H4C7: variants seen among roughly 807,000 people sequenced by gnomAD.
The protein encoded by H4C7 is histone H4-like protein type G.
A neutral mutation model predicts 5.2 loss-of-function variants in H4C7; 7 were observed. The observed-to-expected ratio is 1.34, with a 90% CI of 0.76 to 2.52. The LOEUF (loss-of-function observed/expected upper bound fraction) is 2.52. H4C7 is among the 30% of genes most tolerant of loss of function. H4C7 has a pLI of 0.00. For missense variants in H4C7, 148 were observed against 138.4 expected, an observed-to-expected ratio of 1.07 and a Z score of -0.35; for synonymous variants, 69 against 57.5, an observed-to-expected ratio of 1.20 and a Z score of -0.90.
Position 26,246,615 on chromosome 6 carries a change from C to G in H4C7, c.*66G>C. The G allele has an allele frequency of 9.0e-6, 13 of 1,437,046 alleles. No individual in the cohort carries two copies. Among genetic ancestry groups the G allele is most frequent in the Non-Finnish European group, 1.2e-5 (13 of 1,064,082 alleles). The allele number at this position is 1,437,046 out of a possible 1,614,324, so 89.0% of individuals were successfully genotyped here. ...TGAGCCCTTCGGAAGAAAACGTACGCGGCCCTGAAAAGGGCCATTAACGAT... is the reference window on the plus strand; with the variant it reads ...TGAGCCCTTCGGAAGAAAACGTACGGGGCCCTGAAAAGGGCCATTAACGAT... On this transcript the variant is annotated 3_prime_UTR_variant, in exon 1 of 1. Transcript: ENST00000611444.
At position 26,246,891 on chromosome 6, in the gene H4C7, G is replaced by T. The variant is rs1437333180; in HGVS notation, c.87C>A (p.Gly29=). The T allele has an allele frequency of 6.2e-7, 1 of 1,614,072 alleles. No individual in the cohort carries two copies. Among genetic ancestry groups the T allele is most frequent in the African/African-American group, 1.3e-5 (1 of 74,938 alleles). ...AGCGCCGGATAGTGCACTTGGTAAT[G>T]CCCTGAATATTATCGCTCAGTACCT... is the stretch of plus-strand genomic sequence containing the variant. ...HRKVLSDNIQ[G]ITKCTIRRLA... is the part of the protein sequence containing the mutation. The change falls in exon 1 of 1, where the codon GGC becomes GGA. Residue 29 remains glycine (G), a synonymous_variant. Coordinates refer to ENST00000611444, the MANE Select transcript of H4C7 (RefSeq NM_003547.3).
rs1176176116 is a variant in H4C7, at chr6:26,246,839, T to C, written c.139A>G (p.Ile47Val). Residue 47 changes from isoleucine (I) to valine (V), a missense_variant, in exon 1 of 1, where the codon ATC becomes GTC. By Grantham distance (29) the Ile-to-Val change is conservative. Transcript: ENST00000611444. Reference sequence around the variant, plus strand: ...GTCTCCTCATAAATGAGGCCCAAGATGCGCTTGACACCGCCATGCCGGGCC... The same window carrying C: ...GTCTCCTCATAAATGAGGCCCAAGACGCGCTTGACACCGCCATGCCGGGCC... Reference protein sequence around the residue: ...RLARHGGVKRILGLIYEETRR... With the variant: ...RLARHGGVKRVLGLIYEETRR... 1 of 1,614,214 alleles carries C rather than the reference T, an allele frequency of 6.2e-7. No homozygotes were observed. The highest frequency in any genetic ancestry group is 8.5e-7 in the Non-Finnish European group (1 of 1,180,034).
In H4C7 at chr6:26,246,905, C is replaced by G. The variant is rs757449544; in HGVS notation, c.73G>C (p.Asp25His). 9.9e-6 allele frequency: 16 copies of G among 1,612,730 alleles called. No individual in the cohort carries two copies. The South Asian group carries it at 1.8e-4, about 18-fold the overall frequency. ...CACTTGGTAATGCCCTGAATATTAT[C>G]GCTCAGTACCTTGCGATGGCACTTG... ...GAKCHRKVLS[D>H]NIQGITKCTI... Residue 25 changes from aspartate (D) to histidine (H), a missense_variant, in exon 1 of 1, where the codon GAT (aspartate) becomes CAT (histidine). By Grantham distance (81) the Asp-to-His change is moderately conservative. Transcript: ENST00000611444.
rs1311719728 is a variant in H4C7 at position 26,246,916 on chromosome 6, T to A, written c.62A>T (p.Lys21Met). The A allele has an allele frequency of 3.1e-5, 50 of 1,608,626 alleles. No homozygotes were observed. The highest frequency in any genetic ancestry group is 4.0e-5 in the African/African-American group (3 of 74,838). Residue 21 changes from lysine to methionine, a missense_variant, in exon 1 of 1, where the codon AAG becomes ATG. Lys to Met is a moderately conservative substitution (Grantham distance 95). Transcript: ENST00000611444. The part of the protein sequence containing the change: ...LGKGGAKCHR[K>M]VLSDNIQGIT... ...GCCCTGAATATTATCGCTCAGTACCTTGCGATGGCACTTGGCACCGCCTTT... is the reference window on the plus strand; with the variant it reads ...GCCCTGAATATTATCGCTCAGTACCATGCGATGGCACTTGGCACCGCCTTT...
In H4C7 at chr6:26,246,968, G is replaced by A. The variant is rs1019994955; in HGVS notation, c.10C>T (p.Arg4Trp). 14 of 1,590,396 alleles carry A rather than the reference G, an allele frequency of 8.8e-6. No individual in the cohort carries two copies. Among genetic ancestry groups the A allele is most frequent in the African/African-American group, 1.3e-5 (1 of 74,210 alleles). Residue 4 changes from arginine to tryptophan, a missense_variant, in exon 1 of 1, where the codon CGG (arginine) becomes TGG (tryptophan). Physicochemically the swap from Arg to Trp is moderately radical, Grantham distance 101. Coordinates refer to ENST00000611444, the MANE Select transcript of H4C7 (RefSeq NM_003547.3). Reference protein sequence around the residue: MSVRGKAGKGLGKG... With the variant: MSVWGKAGKGLGKG... ...CCAAGGCCTTTTCCGGCCTTGCCCC[G>A]AACAGACATGATAAACAAGTCAGAA...
rs766931454 is a variant in H4C7 at position 26,246,678 on chromosome 6, G to A, written c.*3C>T. ...GGCCTGGCCTCACTTAACCGCCAAA[G>A]CCTTACAGGGTTCTTCCCTGGCGTT... On this transcript the variant is annotated 3_prime_UTR_variant, in exon 1 of 1. Transcript: ENST00000611444. 6 of 1,581,218 alleles carry A rather than the reference G, an allele frequency of 3.8e-6. No individual in the cohort carries two copies. The highest frequency in any genetic ancestry group is 2.3e-5 in the East Asian group (1 of 44,232).
At position 26,246,768 on chromosome 6, in the gene H4C7, G is replaced by T; in HGVS notation, c.210C>A (p.Ala70=). Residue 70 remains alanine (A), a synonymous_variant, in exon 1 of 1, where the codon GCC becomes GCA. Transcript: ENST00000611444. ...GCTTGGCGTGCTCCGTGTTGGTCAC[G>T]GCGTACCAGATCACATTTTCCAGGA... ...KVFLENVIWY[A]VTNTEHAKRK... is the part of the protein sequence containing the mutation. 3 of 1,614,144 alleles carry T rather than the reference G, an allele frequency of 1.9e-6. No homozygotes were observed. Among genetic ancestry groups the T allele is most frequent in the South Asian group, 2.2e-5 (2 of 91,080 alleles).
Position 26,246,645 on chromosome 6 carries a change from C to A in H4C7, c.*36G>T, listed in dbSNP as rs373499835. ...CTGAAAAGGGCCATTAACGATATTG[C>A]AAGGAAAGGCCTGGCCTCACTTAAC... On this transcript the variant is annotated 3_prime_UTR_variant, in exon 1 of 1. Coordinates refer to ENST00000611444, the MANE Select transcript of H4C7 (RefSeq NM_003547.3). The A allele has an allele frequency of 1.3e-6, 2 of 1,528,072 alleles. No individual in the cohort carries two copies. The highest frequency in any genetic ancestry group is 1.8e-6 in the Non-Finnish European group (2 of 1,134,706). The allele number at this position is 1,528,072 out of a possible 1,614,324, so 94.7% of individuals were successfully genotyped here.
chr6:26,246,700 C>T lies in H4C7; in HGVS notation c.278G>A (p.Arg93His). 1 of 1,597,316 alleles carries T rather than the reference C, an allele frequency of 6.3e-7. No individual in the cohort carries two copies. Reference sequence around the variant, plus strand: ...AAAGCCTTACAGGGTTCTTCCCTGGCGTTTGAGCACGTAGACCACGGCCAT... The same window carrying T: ...AAAGCCTTACAGGGTTCTTCCCTGGTGTTTGAGCACGTAGACCACGGCCAT... ...TAMAVVYVLK[R>H]QGRTL Residue 93 changes from arginine to histidine, a missense_variant, in exon 1 of 1, where the codon CGC becomes CAC. By Grantham distance (29) the Arg-to-His change is conservative (BLOSUM62 0). Coordinates refer to ENST00000611444, the MANE Select transcript of H4C7 (RefSeq NM_003547.3).
Position 26,246,753 on chromosome 6 carries a change from C to T in H4C7, c.225G>A (p.Glu75=), listed in dbSNP as rs201404471. 2 of 1,613,918 alleles carry T rather than the reference C, an allele frequency of 1.2e-6. No individual in the cohort carries two copies. Among genetic ancestry groups the T allele is most frequent in the Non-Finnish European group, 1.7e-6 (2 of 1,179,804 alleles). ...CGGTGACCGTCTTGCGCTTGGCGTG[C>T]TCCGTGTTGGTCACGGCGTACCAGA... ...NVIWYAVTNT[E]HAKRKTVTAM... is the part of the protein sequence containing the mutation. Residue 75 remains glutamate (E), a synonymous_variant, in exon 1 of 1, where the codon GAG becomes GAA. Transcript: ENST00000611444.
Position 26,246,755 on chromosome 6 carries a change from C to A in H4C7, c.223G>T (p.Glu75Ter). 2 of 1,613,900 alleles carry A rather than the reference C, an allele frequency of 1.2e-6. No individual in the cohort carries two copies. Among genetic ancestry groups the A allele is most frequent in the Non-Finnish European group, 1.7e-6 (2 of 1,179,806 alleles). ...NVIWYAVTNT[E>*]HAKRKTVTAM... ...GTGACCGTCTTGCGCTTGGCGTGCT[C>A]CGTGTTGGTCACGGCGTACCAGATC... Residue 75 changes from glutamate (E) to a stop codon, truncating the protein, a stop_gained, in exon 1 of 1, where the codon GAG (glutamate) becomes TAG (stop). Transcript: ENST00000611444. LOFTEE classifies it high-confidence loss of function.
chr6:26,246,708 C>T lies in H4C7; in HGVS notation c.270G>A (p.Val90=). The T allele has an allele frequency of 1.9e-6, 3 of 1,601,888 alleles. No individual in the cohort carries two copies. The highest frequency in any genetic ancestry group is 2.2e-5 in the East Asian group (1 of 44,526). Residue 90 remains valine (V), a synonymous_variant, in exon 1 of 1, where the codon GTG becomes GTA. Transcript: ENST00000611444. ...ACAGGGTTCTTCCCTGGCGTTTGAG[C>T]ACGTAGACCACGGCCATGGCGGTGA... ...KTVTAMAVVY[V]LKRQGRTL is the part of the protein sequence containing the mutation.
chr6:26,246,882 C>T lies in H4C7; in HGVS notation c.96G>A (p.Lys32=), dbSNP rs752748482. ...VLSDNIQGIT[K]CTIRRLARHG... is the part of the protein sequence containing the mutation. The stretch of plus-strand genomic sequence containing the variant: ...GCCGGGCCAAGCGCCGGATAGTGCA[C>T]TTGGTAATGCCCTGAATATTATCGC... The change falls in exon 1 of 1, where the codon AAG becomes AAA. Residue 32 remains lysine, a synonymous_variant. Coordinates refer to ENST00000611444, the MANE Select transcript of H4C7 (RefSeq NM_003547.3). 1.2e-5 allele frequency: 19 copies of T among 1,614,234 alleles called. No individual in the cohort carries two copies. The highest frequency in any genetic ancestry group is 8.8e-5 in the South Asian group (8 of 91,086).
chr6:26,246,679 C>A lies in H4C7; in HGVS notation c.*2G>T. On this transcript the variant is annotated 3_prime_UTR_variant, in exon 1 of 1. Transcript: ENST00000611444. Reference sequence around the variant, plus strand: ...GCCTGGCCTCACTTAACCGCCAAAGCCTTACAGGGTTCTTCCCTGGCGTTT... The same window carrying A: ...GCCTGGCCTCACTTAACCGCCAAAGACTTACAGGGTTCTTCCCTGGCGTTT... The A allele has an allele frequency of 3.2e-6, 5 of 1,582,430 alleles. No individual in the cohort carries two copies. Among genetic ancestry groups the A allele is most frequent in the Non-Finnish European group, 4.3e-6 (5 of 1,158,336 alleles).
In H4C7 at chr6:26,246,687, G is replaced by A. The variant is rs760083726; in HGVS notation, c.291C>T (p.Thr97=). The A allele has an allele frequency of 3.1e-6, 5 of 1,589,474 alleles. No individual in the cohort carries two copies. Among genetic ancestry groups the A allele is most frequent in the Non-Finnish European group, 4.3e-6 (5 of 1,162,244 alleles). Residue 97 remains threonine, a synonymous_variant, in exon 1 of 1, where the codon ACC becomes ACT. Transcript: ENST00000611444. ...VVYVLKRQGR[T]L is the part of the protein sequence containing the mutation. ...TCACTTAACCGCCAAAGCCTTACAGGGTTCTTCCCTGGCGTTTGAGCACGT... is the reference window on the plus strand; with the variant it reads ...TCACTTAACCGCCAAAGCCTTACAGAGTTCTTCCCTGGCGTTTGAGCACGT...
At position 26,246,819 on chromosome 6, in the gene H4C7, C is replaced by T; in HGVS notation, c.159G>A (p.Glu53=). The change falls in exon 1 of 1, where the codon GAG becomes GAA. Residue 53 remains glutamate (E), a synonymous_variant. Coordinates refer to ENST00000611444, the MANE Select transcript of H4C7 (RefSeq NM_003547.3). ...GVKRILGLIY[E]ETRRVFKVFL... Reference sequence around the variant, plus strand: ...ACACCTTGAACACCCGGCGGGTCTCCTCATAAATGAGGCCCAAGATGCGCT... The same window carrying T: ...ACACCTTGAACACCCGGCGGGTCTCTTCATAAATGAGGCCCAAGATGCGCT... 6.2e-7 allele frequency: 1 copy of T among 1,614,228 alleles called. No homozygotes were observed. Among genetic ancestry groups the T allele is most frequent in the Non-Finnish European group, 8.5e-7 (1 of 1,180,034 alleles).
Position 26,246,653 on chromosome 6 carries a change from G to A in H4C7, c.*28C>T. ...GGCCATTAACGATATTGCAAGGAAA[G>A]GCCTGGCCTCACTTAACCGCCAAAG... is the stretch of plus-strand genomic sequence containing the variant. On this transcript the variant is annotated 3_prime_UTR_variant, in exon 1 of 1. Coordinates refer to ENST00000611444, the MANE Select transcript of H4C7 (RefSeq NM_003547.3). 1.3e-6 allele frequency: 2 copies of A among 1,546,020 alleles called. No individual in the cohort carries two copies. The highest frequency in any genetic ancestry group is 2.3e-5 in the East Asian group (1 of 43,930).
rs1759963328 is a variant in H4C7, at chr6:26,246,620, C to T, written c.*61G>A. On this transcript the variant is annotated 3_prime_UTR_variant, in exon 1 of 1. Coordinates refer to ENST00000611444, the MANE Select transcript of H4C7 (RefSeq NM_003547.3). ...CCTTCGGAAGAAAACGTACGCGGCCCTGAAAAGGGCCATTAACGATATTGC... is the reference window on the plus strand; with the variant it reads ...CCTTCGGAAGAAAACGTACGCGGCCTTGAAAAGGGCCATTAACGATATTGC... The T allele has an allele frequency of 6.7e-6, 10 of 1,483,936 alleles. No homozygotes were observed. Among genetic ancestry groups the T allele is most frequent in the South Asian group, 1.3e-5 (1 of 74,916 alleles). The allele number at this position is 1,483,936 out of a possible 1,614,324, so 91.9% of individuals were successfully genotyped here. A position where few individuals can be genotyped will look rare whatever the true frequency, so the allele number is the denominator to read the frequency against.
rs772455445 is a variant in H4C7 at position 26,246,768 on chromosome 6, G to A, written c.210C>T (p.Ala70=). The change falls in exon 1 of 1, where the codon GCC becomes GCT. Residue 70 remains alanine, a synonymous_variant. Coordinates refer to ENST00000611444, the MANE Select transcript of H4C7 (RefSeq NM_003547.3). ...GCTTGGCGTGCTCCGTGTTGGTCAC[G>A]GCGTACCAGATCACATTTTCCAGGA... ...KVFLENVIWY[A]VTNTEHAKRK... 1.2e-6 allele frequency: 2 copies of A among 1,614,144 alleles called. No individual in the cohort carries two copies. The highest frequency in any genetic ancestry group is 1.3e-5 in the African/African-American group (1 of 75,040).
Sources: allele counts gnomAD v4.1 joint callset, GRCh38; gene constraint gnomAD v4.1.1; transcripts MANE v1.5; gene names NCBI Gene and HGNC (gene_info 2026-07-23, HGNC 2026-07-21).